ART3: variants seen among roughly 807,000 people sequenced by gnomAD.
ART3 encodes ecto-ADP-ribosyltransferase 3.
ART3 carries 49 observed loss-of-function variants against 48.5 expected under a neutral mutation model. The observed-to-expected ratio is 1.01, with a 90% CI of 0.80 to 1.28. The LOEUF (loss-of-function observed/expected upper bound fraction) is 1.28. Among genes scored for constraint, ART3 ranks in the 50% most tolerant of loss-of-function variants. ART3 has a pLI of 0.00. For missense variants in ART3, 438 were observed against 454.3 expected, an observed-to-expected ratio of 0.96 and a Z score of 0.33; for synonymous variants, 145 against 157.2, an observed-to-expected ratio of 0.92 and a Z score of 0.58.
chr4:76,088,104 G>A (rs1380287557), intron 3 of ART3, among the ~76,000 whole-genome samples: 1 of 152,102 alleles, frequency 6.6e-6, no homozygotes, highest in Non-Finnish European at 1.5e-5. Flanking sequence ...CCTCAATTGG[G>A]AGGACGGTGA....
At chr4:76,101,932 G>T (rs1432871126) in intron 8 of ART3, among the ~76,000 whole-genome samples, 1 of 152,150 alleles carries the variant, frequency 6.6e-6, no homozygotes, top group Non-Finnish European at 1.5e-5. Flanking sequence ...TTGTCCCAAG[G>T]AAATTAGAGA....
chr4:76,062,979 C>T (rs1578378084), intron 1 of ART3, among the ~76,000 whole-genome samples: 1 of 152,002 alleles, frequency 6.6e-6, no homozygotes, highest in African/African-American at 2.4e-5. Flanking sequence ...TTGTTTAAGT[C>T]CCTTACCTCC....
chr4:76,105,910 T>G, intron 10 of ART3: 2 of 985,394 alleles, frequency 2.0e-6, no homozygotes, highest in Non-Finnish European at 2.4e-6. Context: ...CTGTGCAGCA[T>G]GCCAATACTG....
chr4:76,045,204 G>A (rs900614536), intron 1 of ART3, among the ~76,000 whole-genome samples: 12 of 151,938 alleles, frequency 7.9e-5, no homozygotes, highest in African/African-American at 2.9e-4. Flanking sequence ...TAGTTAAGGG[G>A]ACTTCTAAGA....
At chr4:76,016,952 C>A (rs779521933) in intron 1 of ART3, among the ~76,000 whole-genome samples, 2 of 151,292 alleles carry the variant, frequency 1.3e-5, no homozygotes, top group African/African-American at 4.9e-5. Flanking sequence ...GCTGCCCAGC[C>A]TGGGACTCAC....
rs550924998 is a variant in ART3 at position 76,095,985 on chromosome 4, C to T, written c.782-1659C>T. Among the ~76,000 whole-genome samples, 14 of 152,068 alleles carry T rather than the reference C, an allele frequency of 9.2e-5. 1 individual carries two copies. Among genetic ancestry groups the T allele is most frequent in the Admixed American group, 3.9e-4 (6 of 15,282 alleles). On this transcript the variant is annotated intron_variant, in intron 3 of 11. Transcript: ENST00000355810. Reference sequence around the variant, plus strand: ...TCACCCAGGCTGGGGTGCAGTGGCGCAATCTTGGCTCACTGCAAACTCTGC... The same window carrying T: ...TCACCCAGGCTGGGGTGCAGTGGCGTAATCTTGGCTCACTGCAAACTCTGC...
chr4:76,082,260 C>A lies in ART3; in HGVS notation c.506C>A (p.Ser169Ter). Reference sequence around the variant, plus strand: ...GTATATAGAACAAGCCAGGGCACTTCATTTACATTTGGAGGGCTAAACCAA... The same window carrying A: ...GTATATAGAACAAGCCAGGGCACTTAATTTACATTTGGAGGGCTAAACCAA... ...TVVYRTSQGTSFTFGGLNQAR... is the reference protein window; with the variant it reads ...TVVYRTSQGT Residue 169 changes from serine to a stop codon, truncating the protein, a stop_gained, in exon 3 of 12, where the codon TCA becomes TAA. Coordinates refer to ENST00000355810, the MANE Select transcript of ART3 (RefSeq NM_001130016.3). LOFTEE classifies it high-confidence loss of function. 6.2e-7 allele frequency: 1 copy of A among 1,614,174 alleles called. No individual in the cohort carries two copies. The highest frequency in any genetic ancestry group is 2.2e-5 in the East Asian group (1 of 44,880).
At chr4:76,037,318 A>C (rs1174229714) in intron 1 of ART3, among the ~76,000 whole-genome samples, 1 of 152,208 alleles carries the variant, frequency 6.6e-6, no homozygotes, top group Non-Finnish European at 1.5e-5. Context: ...AGAAAATCAT[A>C]TCAAAGGAGC....
At chr4:76,057,300 G>C (rs764398387) in intron 1 of ART3, among the ~76,000 whole-genome samples, 49 of 152,122 alleles carry the variant, frequency 3.2e-4, no homozygotes, top group Non-Finnish European at 6.0e-4. Flanking sequence ...CCTAGGAAAA[G>C]GATATTAGTG....
At chr4:76,108,783 T>TA (rs1728942434) in intron 11 of ART3, among the ~76,000 whole-genome samples, 1 of 152,228 alleles carries the variant, frequency 6.6e-6, no homozygotes, top group Admixed American at 6.5e-5. Flanking sequence ...GGCTACATGG[T>TA]ATAGCCTACT....
At chr4:76,035,800 G>T in intron 1 of ART3, 1 of 775,140 alleles carries the variant, frequency 1.3e-6, no homozygotes. Context: ...TGCTAAAGCT[G>T]TAGTAACTTC....
chr4:76,089,363 C>CTA (rs1305927614), intron 3 of ART3, among the ~76,000 whole-genome samples: 2,053 of 152,274 alleles, frequency 0.013, 41 homozygotes, highest in African/African-American at 0.047. Context: ...GTGATTGGAT[C>CTA]ATGGGGGCTG....
At chr4:76,025,338 G>T (rs1733280245) in intron 1 of ART3, among the ~76,000 whole-genome samples, 1 of 152,142 alleles carries the variant, frequency 6.6e-6, no homozygotes, top group African/African-American at 2.4e-5. Flanking sequence ...CAAAATGAGA[G>T]ATGGTGACAG....
chr4:76,075,917 A>G lies in ART3; in HGVS notation c.28A>G (p.Thr10Ala). 1 of 1,613,354 alleles carries G rather than the reference A, an allele frequency of 6.2e-7. No homozygotes were observed. Among genetic ancestry groups the G allele is most frequent in the Non-Finnish European group, 8.5e-7 (1 of 1,179,592 alleles). ...GAAGACGGGACATTTTGAAATAGTCACCATGCTGCTGGCAACCATGATTCT... is the reference window on the plus strand; with the variant it reads ...GAAGACGGGACATTTTGAAATAGTCGCCATGCTGCTGGCAACCATGATTCT... MKTGHFEIVTMLLATMILVD... is the reference protein window; with the variant it reads MKTGHFEIVAMLLATMILVD... Residue 10 changes from threonine to alanine, a missense_variant, in exon 2 of 12, where the codon ACC (threonine) becomes GCC (alanine). By Grantham distance (58) the Thr-to-Ala change is moderately conservative (BLOSUM62 0). Around this residue, in one of 3 missense-constraint regions of ART3, gnomAD observed 206 missense variants for 205.3 expected, o/e 1.00. Coordinates refer to ENST00000355810, the MANE Select transcript of ART3 (RefSeq NM_001130016.3).
At chr4:76,098,558 T>C (rs1726540821) in intron 4 of ART3, among the ~76,000 whole-genome samples, 1 of 152,172 alleles carries the variant, frequency 6.6e-6, no homozygotes, top group African/African-American at 2.4e-5. Context: ...GGTCAGGAGT[T>C]TGAGGCCAGC....
chr4:76,082,620 A>G, intron 3 of ART3, 85 bp downstream of exon 3: 1 of 1,151,440 alleles, frequency 8.7e-7, no homozygotes, highest in Non-Finnish European at 1.2e-6. Context: ...AAGGAGAGTG[A>G]GAGGTGTTTG....
In ART3 at chr4:76,036,811, C is replaced by T. The variant is rs565614514; in HGVS notation, c.-10+25491C>T. The T allele has an allele frequency of 4.0e-5, 10 of 251,862 alleles. No homozygotes were observed. In the South Asian group the frequency reaches 6.2e-4, roughly 16 times the overall value. The allele number at this position is 251,862 out of a possible 1,614,324, so 15.6% of individuals were successfully genotyped here. ...CAGGACGTTGCTCAGCTCCTCCTGCCTTCTCTTGGTGCAGATGTTTGTCCC... is the reference window on the plus strand; with the variant it reads ...CAGGACGTTGCTCAGCTCCTCCTGCTTTCTCTTGGTGCAGATGTTTGTCCC... On this transcript the variant is annotated intron_variant, in intron 1 of 9. Transcript: ENST00000341029.
chr4:76,030,325 G>A (rs1467810837), intron 1 of ART3, among the ~76,000 whole-genome samples: 3 of 152,130 alleles, frequency 2.0e-5, no homozygotes, highest in Admixed American at 1.3e-4. Flanking sequence ...CAAAGTGCTG[G>A]GATTACAGGC....
At chr4:76,086,660 T>C (rs568896880) in intron 3 of ART3, among the ~76,000 whole-genome samples, 15 of 152,364 alleles carry the variant, frequency 9.8e-5, no homozygotes, top group Non-Finnish European at 2.2e-4. Context: ...TTCACTATAG[T>C]AACCATTTTA....
Sources: gnomAD v4.1 joint callset for allele counts (sites outside exome capture counted in the v4.1 genomes callset) on GRCh38, gnomAD v4.1.1 for gene constraint, gnomAD v4.1.1 regional missense constraint, MANE v1.5 for transcripts, NCBI Gene and HGNC (gene_info 2026-07-23, HGNC 2026-07-21) for gene names.